The following GUCY1A2 variants were observed in gnomAD, a reference collection of about 807,000 sequenced individuals.
The protein encoded by GUCY1A2 is guanylate cyclase 1 soluble subunit alpha 2.
A neutral mutation model predicts 63.5 loss-of-function variants in GUCY1A2; 27 were observed. The observed-to-expected ratio is 0.43, with a 90% CI of 0.31 to 0.59. The LOEUF (loss-of-function observed/expected upper bound fraction) is 0.59. GUCY1A2 is among the 20% of genes least tolerant of loss of function. The probability of loss-of-function intolerance (pLI) is 0.11; values close to 1 mark genes in which losing one functional copy is unlikely to be tolerated. For missense variants in GUCY1A2, 768 were observed against 913.3 expected, an observed-to-expected ratio of 0.84 and a Z score of 2.05; for synonymous variants, 364 against 343.5, an observed-to-expected ratio of 1.06 and a Z score of -0.66.
intron 4 of GUCY1A2, among the ~76,000 whole-genome samples, chr11:106,869,790 T>C (rs1325550066): frequency 5.3e-5 from 8 of 152,154 alleles, no homozygotes; most frequent in Non-Finnish European, 7.3e-5. Flanking sequence ...CATGCTGCTA[T>C]AAAGACACAT....
rs1383672865 is a variant in GUCY1A2 at position 106,940,011 on chromosome 11, T to A, written c.655A>T (p.Thr219Ser). 6.2e-7 allele frequency: 1 copy of A among 1,613,770 alleles called. No individual in the cohort carries two copies. The highest frequency in any genetic ancestry group is 8.5e-7 in the Non-Finnish European group (1 of 1,179,956). Reference sequence around the variant, plus strand: ...CATAGGAAAGATGGTGACTCCAGAGTGGCCTGTTTTCCAAAAGAAGTTCTA... The same window carrying A: ...CATAGGAAAGATGGTGACTCCAGAGAGGCCTGTTTTCCAAAAGAAGTTCTA... ...HIRTSFGKQA[T>S]LESPSFLCKE... Residue 219 changes from threonine to serine, a missense_variant, in exon 4 of 8, where the codon ACT becomes TCT. Around this residue, in one of 3 missense-constraint regions of GUCY1A2, gnomAD observed 496 missense variants for 486.9 expected, o/e 1.02. Transcript: ENST00000526355.
intron 3 of GUCY1A2, among the ~76,000 whole-genome samples, chr11:106,948,085 A>C (rs900274103): frequency 1.3e-5 from 2 of 152,184 alleles, no homozygotes; most frequent in Non-Finnish European, 2.9e-5. Flanking sequence ...TATCTGGCAA[A>C]GTATAAATGA....
At position 106,782,961 on chromosome 11, in the gene GUCY1A2, C is replaced by T. The variant is rs149123881; in HGVS notation, c.1693-6379G>A. Among the ~76,000 whole-genome samples the T allele has an allele frequency of 1.2e-4, 19 of 152,278 alleles. No homozygotes were observed. The East Asian group carries it at 3.7e-3, about 29-fold the overall frequency. ...TAGGGTGGCTGAAGTGAACTCTTAA[C>T]CAAAGATGAAAATCTACGTGATTGT... On this transcript the variant is annotated intron_variant, in intron 5 of 7. Coordinates refer to ENST00000526355, the MANE Select transcript of GUCY1A2 (RefSeq NM_000855.3).
At chr11:106,764,523 G>T (rs990476896) in intron 6 of GUCY1A2, among the ~76,000 whole-genome samples, 1 of 151,868 alleles carries the variant, frequency 6.6e-6, no homozygotes, top group Non-Finnish European at 1.5e-5. Flanking sequence ...CTAATCCATG[G>T]TCCATGATTG....
chr11:106,785,855 A>C (rs1236508709), intron 5 of GUCY1A2, among the ~76,000 whole-genome samples: 1 of 144,402 alleles, frequency 6.9e-6, no homozygotes, highest in Non-Finnish European at 1.5e-5. Context: ...AAAATAGTAC[A>C]ATATTCACCC....
At chr11:106,836,196 A>G (rs1859115080) in intron 4 of GUCY1A2, among the ~76,000 whole-genome samples, 1 of 151,968 alleles carries the variant, frequency 6.6e-6, no homozygotes, top group African/African-American at 2.4e-5. Flanking sequence ...AATTCCATGT[A>G]TAACTTTTGA....
intron 4 of GUCY1A2, among the ~76,000 whole-genome samples, chr11:106,830,850 C>A (rs1859041080): frequency 1.3e-5 from 2 of 152,122 alleles, no homozygotes. Context: ...AGGCCAGTAC[C>A]CACATATACA....
chr11:106,970,475 G>A (rs1369078743), intron 3 of GUCY1A2, among the ~76,000 whole-genome samples: 1 of 152,076 alleles, frequency 6.6e-6, no homozygotes. Context: ...ATTATAATTG[G>A]TATATGCAGA....
chr11:106,773,700 A>C (rs1247536360), intron 6 of GUCY1A2, among the ~76,000 whole-genome samples: 2 of 152,188 alleles, frequency 1.3e-5, no homozygotes, highest in African/African-American at 2.4e-5. Flanking sequence ...AAGTTGTGTC[A>C]AACTAGTAGG....
chr11:106,884,072 A>G (rs1031446415), intron 4 of GUCY1A2, among the ~76,000 whole-genome samples: 5 of 152,066 alleles, frequency 3.3e-5, no homozygotes, highest in Non-Finnish European at 7.4e-5. Flanking sequence ...TAGGAGATAC[A>G]CCTAATATAA....
intron 6 of GUCY1A2, among the ~76,000 whole-genome samples, chr11:106,719,883 G>C (rs1305587297): frequency 1.3e-5 from 2 of 152,098 alleles, no homozygotes; most frequent in African/African-American, 4.8e-5. Flanking sequence ...AATACTGCAG[G>C]ATCCAAGTAA....
At chr11:106,992,874 C>A (rs1358436310) in intron 1 of GUCY1A2, among the ~76,000 whole-genome samples, 2 of 152,132 alleles carry the variant, frequency 1.3e-5, no homozygotes, top group Non-Finnish European at 2.9e-5. Flanking sequence ...TTTCCCCACC[C>A]TCTGAGCACC....
chr11:106,772,725 T>C (rs965289621), intron 6 of GUCY1A2, among the ~76,000 whole-genome samples: 4 of 152,120 alleles, frequency 2.6e-5, no homozygotes, highest in African/African-American at 9.7e-5. Flanking sequence ...GCTATGACAA[T>C]GCTAAATTCA....
chr11:106,919,235 T>C (rs1022763870), intron 4 of GUCY1A2, among the ~76,000 whole-genome samples: 1 of 152,108 alleles, frequency 6.6e-6, no homozygotes, highest in Non-Finnish European at 1.5e-5. Context: ...TAATCACAAA[T>C]TGGCATACGT....
At chr11:106,764,972 G>C (rs975471190) in intron 6 of GUCY1A2, among the ~76,000 whole-genome samples, 1 of 101,000 alleles carries the variant, frequency 9.9e-6, no homozygotes, top group African/African-American at 3.6e-5. Flanking sequence ...GATTTTTTTG[G>C]GGGGGGGTTG....
chr11:106,961,351 T>C (rs1861055339), intron 3 of GUCY1A2, among the ~76,000 whole-genome samples: 1 of 152,090 alleles, frequency 6.6e-6, no homozygotes, highest in Non-Finnish European at 1.5e-5. Context: ...AATAGCTTAA[T>C]AGGTAGACTT....
Position 106,686,095 on chromosome 11 carries a change from G to T in GUCY1A2, c.*1454C>A. ...TGAGTAAGAAAATGACCTCTCCAAG[G>T]CTTAAAGGAAACAAATGCTTCCAGC... On this transcript the variant is annotated 3_prime_UTR_variant, in exon 8 of 8. Coordinates refer to ENST00000526355, the MANE Select transcript of GUCY1A2 (RefSeq NM_000855.3). The T allele has an allele frequency of 4.7e-6, 1 of 215,048 alleles. No individual in the cohort carries two copies. The highest frequency in any genetic ancestry group is 6.9e-5 in the East Asian group (1 of 14,548). 13.3% of individuals were successfully genotyped at this position (215,048 alleles called of 1,614,324 possible). A position where few individuals can be genotyped will look rare whatever the true frequency, so the allele number is the denominator to read the frequency against.
Position 107,013,021 on chromosome 11 carries a change from T to G in GUCY1A2, c.303+4732A>C, listed in dbSNP as rs1175615846. Among the ~76,000 whole-genome samples the G allele has an allele frequency of 3.3e-5, 5 of 152,322 alleles. No homozygotes were observed. In the East Asian group the frequency reaches 7.7e-4, roughly 23 times the overall value. Reference sequence around the variant, plus strand: ...AGCTAAAGTATTTTATGCCTTTTCATTCTTTCCTTGACATGTATTAAGATA... The same window carrying G: ...AGCTAAAGTATTTTATGCCTTTTCAGTCTTTCCTTGACATGTATTAAGATA... On this transcript the variant is annotated intron_variant, in intron 1 of 7. Transcript: ENST00000526355.
chr11:106,984,245 T>C (rs965244520), intron 2 of GUCY1A2, among the ~76,000 whole-genome samples: 2 of 152,196 alleles, frequency 1.3e-5, no homozygotes, highest in Admixed American at 1.3e-4. Context: ...TTAATAGGCC[T>C]ATTTGAATCA....
Sources: allele counts gnomAD v4.1 joint callset (sites outside exome capture counted in the v4.1 genomes callset), GRCh38; gene constraint gnomAD v4.1.1; regional missense constraint gnomAD v4.1.1; transcripts MANE v1.5; gene names NCBI Gene and HGNC (gene_info 2026-07-23, HGNC 2026-07-21).